The following PRKN variants were observed in gnomAD, a reference collection of about 807,000 sequenced individuals.
The protein encoded by PRKN is parkin RBR E3 ubiquitin protein ligase.
PRKN carries 56 observed loss-of-function variants against 59.5 expected under a neutral mutation model. The observed-to-expected ratio is 0.94, with a 90% CI of 0.76 to 1.18. The LOEUF (loss-of-function observed/expected upper bound fraction) is 1.18, where lower values mean the gene tolerates loss of function less well. Among genes scored for constraint, PRKN ranks in the 50% most tolerant of loss-of-function variants. PRKN has a pLI of 0.00. For missense variants in PRKN, 657 were observed against 596.4 expected, an observed-to-expected ratio of 1.10 and a Z score of -1.06; for synonymous variants, 250 against 222.1, an observed-to-expected ratio of 1.13 and a Z score of -1.12.
At chr6:162,311,981 C>T (rs762158137) in intron 2 of PRKN, among the ~76,000 whole-genome samples, 4 of 152,024 alleles carry the variant, frequency 2.6e-5, no homozygotes, top group Non-Finnish European at 5.9e-5. Flanking sequence ...ATCACACACA[C>T]GTGCATGCAT....
intron 2 of PRKN, among the ~76,000 whole-genome samples, chr6:162,438,211 C>A (rs1172013156): frequency 6.6e-6 from 1 of 152,160 alleles, no homozygotes; most frequent in Non-Finnish European, 1.5e-5. Flanking sequence ...GTTTAGAAAT[C>A]TTACCTTTCC....
In PRKN at chr6:162,304,812, A is replaced by AGCT. The variant is rs1327174636; in HGVS notation, c.172-42050_172-42048dup. The stretch of plus-strand genomic sequence containing the variant: ...TGCTGGGACCCAGCACCTCCACTCC[A>AGCT]GCTGCTGCTGCCAGATGTGAGTGCC... On this transcript the variant is annotated intron_variant, in intron 2 of 11. Coordinates refer to ENST00000366898, the MANE Select transcript of PRKN (RefSeq NM_004562.3). 6.0e-5 allele frequency among the ~76,000 whole-genome samples: 8 copies of AGCT among 134,250 alleles called. No individual in the cohort carries two copies. In the East Asian group the frequency reaches 1.2e-3, roughly 20 times the overall value. 88.1% of individuals were successfully genotyped at this position (134,250 alleles called of 152,430 possible).
At chr6:162,603,372 T>C (rs1167383782) in intron 1 of PRKN, among the ~76,000 whole-genome samples, 1 of 152,122 alleles carries the variant, frequency 6.6e-6, no homozygotes, top group East Asian at 1.9e-4. Context: ...AAGCCAGAGG[T>C]TGGCAAACTA....
Position 161,397,598 on chromosome 6 carries a change from G to C in PRKN, c.1084-10721C>G, listed in dbSNP as rs1189547333. Among the ~76,000 whole-genome samples the C allele has an allele frequency of 6.6e-6, 1 of 152,132 alleles. No individual in the cohort carries two copies. Among genetic ancestry groups the C allele is most frequent in the African/African-American group, 2.4e-5 (1 of 41,390 alleles). ...TTGCATATTTCCATTTGGATAGGTT[G>C]CAGTCACCTCAAATTCAAGTCACTT... On this transcript the variant is annotated intron_variant, in intron 9 of 11. Transcript: ENST00000366898. The surrounding 1 kb of genome is among the most constrained non-coding windows in gnomAD (Gnocchi z 4.2).
intron 2 of PRKN, among the ~76,000 whole-genome samples, chr6:162,364,719 G>A (rs1429853393): frequency 6.6e-6 from 1 of 152,120 alleles, no homozygotes; most frequent in African/African-American, 2.4e-5. Flanking sequence ...GAAAATGGCT[G>A]CACAACTGAC....
intron 6 of PRKN, among the ~76,000 whole-genome samples, chr6:161,799,286 T>C (rs1392621588): frequency 6.6e-6 from 1 of 152,228 alleles, no homozygotes; most frequent in Non-Finnish European, 1.5e-5. Context: ...AATGTTTATG[T>C]TCTCAGTGAC....
At chr6:161,645,365 G>T (rs943206826) in intron 7 of PRKN, among the ~76,000 whole-genome samples, 2 of 152,156 alleles carry the variant, frequency 1.3e-5, no homozygotes, top group African/African-American at 4.8e-5. Flanking sequence ...CTTGACAAAG[G>T]TATGTTCAGG....
intron 7 of PRKN, among the ~76,000 whole-genome samples, chr6:161,696,465 A>G (rs1786025838): frequency 6.6e-6 from 1 of 152,248 alleles, no homozygotes. Flanking sequence ...GGTTTTCAAC[A>G]TGCCAGATGT....
rs111508614 is a variant in PRKN at position 162,727,585 on chromosome 6, C to A, written c.7+77G>T. 9 of 1,464,138 alleles carry A rather than the reference C, an allele frequency of 6.1e-6. No individual in the cohort carries two copies. In the East Asian group the frequency reaches 1.2e-4, roughly 20 times the overall value. 90.7% of individuals were successfully genotyped at this position (1,464,138 alleles called of 1,614,324 possible). A position where few individuals can be genotyped will look rare whatever the true frequency, so the allele number is the denominator to read the frequency against. On this transcript the variant is annotated intron_variant, in intron 1 of 11. Transcript: ENST00000366898. ...GACAGTTGGCACCGGGGGTCCTGGT[C>A]GGCCGAGGCGGGGCGTGGCGCCATA... is the stretch of plus-strand genomic sequence containing the variant.
chr6:162,029,823 T>C (rs1213192822), intron 5 of PRKN, among the ~76,000 whole-genome samples: 1 of 152,206 alleles, frequency 6.6e-6, no homozygotes, highest in Non-Finnish European at 1.5e-5. Flanking sequence ...ATCTCAGTAA[T>C]TTATGAAAAT....
intron 8 of PRKN, among the ~76,000 whole-genome samples, chr6:161,555,289 G>A (rs894165006): frequency 6.6e-6 from 1 of 151,952 alleles, no homozygotes; most frequent in Admixed American, 6.5e-5. Context: ...GCTTTCCTTT[G>A]ATTTGAGGCA....
chr6:162,476,244 G>C (rs1313201339), intron 1 of PRKN, among the ~76,000 whole-genome samples: 1 of 151,554 alleles, frequency 6.6e-6, no homozygotes, highest in Admixed American at 6.6e-5. Flanking sequence ...ATTTATTTAT[G>C]TATTTTTAGT....
intron 4 of PRKN, among the ~76,000 whole-genome samples, chr6:162,128,628 CT>C (rs1343450553): frequency 6.6e-6 from 1 of 152,122 alleles, no homozygotes. Flanking sequence ...GTCTTGGGCC[CT>C]GTTATTTTCT....
chr6:162,303,862 G>T (rs1782081781), intron 2 of PRKN, among the ~76,000 whole-genome samples: 1 of 152,124 alleles, frequency 6.6e-6, no homozygotes, highest in South Asian at 2.1e-4. Context: ...AGTGGTGGAT[G>T]GAGGTAGTGG....
intron 2 of PRKN, among the ~76,000 whole-genome samples, chr6:162,425,038 A>G (rs530554892): frequency 1.0e-4 from 15 of 150,088 alleles, no homozygotes; most frequent in Non-Finnish European, 1.9e-4. Flanking sequence ...TAGAAAACCA[A>G]TGACTTTCGT....
chr6:162,375,742 T>TACACACACACACACACACAC (rs60180187), intron 2 of PRKN, among the ~76,000 whole-genome samples: 1 of 149,002 alleles, frequency 6.7e-6, no homozygotes, highest in African/African-American at 2.5e-5. Context: ...TATGGCTTTG[T>TACACACACACACACACACAC]ACACACACAC....
rs914284769 is a variant in PRKN, at chr6:162,163,336, T to C, written c.534+37795A>G. Among the ~76,000 whole-genome samples, 8 of 149,696 alleles carry C rather than the reference T, an allele frequency of 5.3e-5. 1 individual carries two copies. The highest frequency in any genetic ancestry group is 1.2e-4 in the Non-Finnish European group (8 of 67,536). ...GAATGCTGGTCCTCACTATTTTTCA[T>C]TAATCAAATGCAATGTGTAACCAGT... On this transcript the variant is annotated intron_variant, in intron 4 of 11. Transcript: ENST00000366898.
At chr6:161,634,466 A>T (rs1783439536) in intron 7 of PRKN, among the ~76,000 whole-genome samples, 1 of 152,234 alleles carries the variant, frequency 6.6e-6, no homozygotes, top group Non-Finnish European at 1.5e-5. Flanking sequence ...GTGTGTTCTT[A>T]GGAAAGCTAA....
chr6:161,548,416 T>G lies in PRKN; in HGVS notation c.1083+438A>C, dbSNP rs145607146. 6.6e-6 allele frequency among the ~76,000 whole-genome samples: 1 copy of G among 152,344 alleles called. No homozygotes were observed. The highest frequency in any genetic ancestry group is 1.9e-4 in the East Asian group (1 of 5,180). On this transcript the variant is annotated intron_variant, in intron 9 of 11. Transcript: ENST00000366898. This position sits in a 1 kb window ranked among gnomAD's most constrained non-coding sequence, Gnocchi z 4.2. ...ATAATAACATTTCAAGTTTTCCACA[T>G]TAACCTTCATTTTATTTCTTGAAAT... is the stretch of plus-strand genomic sequence containing the variant.
Sources: gnomAD v4.1 joint callset for allele counts (sites outside exome capture counted in the v4.1 genomes callset) on GRCh38, gnomAD v4.1.1 for gene constraint, Gnocchi (gnomAD v3.1) non-coding constraint, MANE v1.5 for transcripts, NCBI Gene and HGNC (gene_info 2026-07-23, HGNC 2026-07-21) for gene names.